Variants in MSRA observed in about 807,000 individuals in gnomAD.
MSRA encodes the protein mitochondrial peptide methionine sulfoxide reductase.
MSRA carries 54 observed loss-of-function variants against 31.3 expected under a neutral mutation model. The ratio of observed to expected loss-of-function variants is 1.73; its 90% CI spans 1.39 to 2.17. The LOEUF (loss-of-function observed/expected upper bound fraction) is 2.17. MSRA is among the 30% of genes most tolerant of loss of function. MSRA has a pLI of 0.00. For missense variants in MSRA, 507 were observed against 300.9 expected (o/e 1.69, Z -5.07); for synonymous variants, 169 against 116.5 (o/e 1.45, Z -2.90).
chr8:10,145,027 C>A (rs1803022223), intron 1 of MSRA, among the ~76,000 whole-genome samples: 1 of 152,164 alleles, frequency 6.6e-6, no homozygotes, highest in Admixed American at 6.5e-5. Context: ...TCCTTTCAGA[C>A]AATAAATAGC....
intron 5 of MSRA, among the ~76,000 whole-genome samples, chr8:10,399,988 G>A (rs1310553106): frequency 1.3e-5 from 2 of 152,164 alleles, no homozygotes; most frequent in Non-Finnish European, 1.5e-5. Context: ...CTGACAAGGG[G>A]CAGGTAATGT....
chr8:10,359,584 C>T (rs1585578297), intron 5 of MSRA, among the ~76,000 whole-genome samples: 1 of 152,232 alleles, frequency 6.6e-6, no homozygotes, highest in Middle Eastern at 3.4e-3. Context: ...TCTTCGTTTT[C>T]TTTCTAATCC....
intron 3 of MSRA, among the ~76,000 whole-genome samples, chr8:10,288,673 C>G (rs1444497647): frequency 1.3e-5 from 2 of 151,974 alleles, no homozygotes; most frequent in East Asian, 3.9e-4. Flanking sequence ...GTTCTTAGTT[C>G]CATTTTTTAA....
At chr8:10,057,516 AATT>A (rs1490005069) in intron 1 of MSRA, among the ~76,000 whole-genome samples, 2 of 152,154 alleles carry the variant, frequency 1.3e-5, no homozygotes, top group Non-Finnish European at 2.9e-5. Context: ...GAATTATTGT[AATT>A]ATTGTAAAAG....
chr8:10,293,713 C>T (rs1563318766), intron 3 of MSRA, among the ~76,000 whole-genome samples: 1 of 152,134 alleles, frequency 6.6e-6, no homozygotes, highest in South Asian at 2.1e-4. Context: ...TCCTTCCTCC[C>T]CTCCTGCTTC....
chr8:10,248,566 A>C (rs1797752081), intron 3 of MSRA, among the ~76,000 whole-genome samples: 1 of 152,220 alleles, frequency 6.6e-6, no homozygotes, highest in South Asian at 2.1e-4. Flanking sequence ...GGGAGAAGTG[A>C]GCGAGAGAGT....
intron 3 of MSRA, among the ~76,000 whole-genome samples, chr8:10,251,738 T>C (rs941468817): frequency 1.3e-5 from 2 of 152,148 alleles, no homozygotes; most frequent in East Asian, 3.9e-4. Context: ...AATGGACCCA[T>C]TGCCTGAAGA....
At chr8:10,283,830 T>TACACACACACACACACACAC (rs1170038638) in intron 3 of MSRA, among the ~76,000 whole-genome samples, 6 of 65,332 alleles carry the variant, frequency 9.2e-5, no homozygotes, top group Non-Finnish European at 1.5e-4. Context: ...TATATATATA[T>TACACACACACACACACACAC]ATATATACAC....
chr8:10,370,613 G>C (rs1474398305), intron 5 of MSRA, among the ~76,000 whole-genome samples: 1 of 152,220 alleles, frequency 6.6e-6, no homozygotes, highest in South Asian at 2.1e-4. Flanking sequence ...ACCGCCTTGA[G>C]GAGCCACCTT....
At chr8:10,171,449 C>T (rs1328554425) in intron 1 of MSRA, among the ~76,000 whole-genome samples, 2 of 151,126 alleles carry the variant, frequency 1.3e-5, no homozygotes, top group African/African-American at 2.4e-5. Context: ...GAATTCTGAT[C>T]AAATTTTCAC....
rs143043306 is a variant in MSRA at position 10,333,808 on chromosome 8, C to T, written c.543+13819C>T. ...GAGTTTCCACGTTTCTTCTCCACCC[C>T]ACCCCCCCCACGCTGAGTGGGACCT... On this transcript the variant is annotated intron_variant, in intron 5 of 5. Transcript: ENST00000317173. 5.0e-3 allele frequency among the ~76,000 whole-genome samples: 767 copies of T among 151,968 alleles called. 7 individuals are homozygous for T. The highest frequency in any genetic ancestry group is 0.018 in the African/African-American group (726 of 41,402).
At chr8:10,107,805 A>G (rs1277740013) in intron 1 of MSRA, among the ~76,000 whole-genome samples, 1 of 152,206 alleles carries the variant, frequency 6.6e-6, no homozygotes, top group Non-Finnish European at 1.5e-5. Flanking sequence ...GAATTAGAGC[A>G]CTGAAAAAGG....
intron 1 of MSRA, among the ~76,000 whole-genome samples, chr8:10,112,402 C>T (rs1394791248): frequency 6.6e-6 from 1 of 152,198 alleles, no homozygotes; most frequent in Non-Finnish European, 1.5e-5. Flanking sequence ...TAGAGAATTT[C>T]TAGGAAAAGC....
intron 5 of MSRA, among the ~76,000 whole-genome samples, chr8:10,348,141 T>C (rs1481378361): frequency 6.6e-6 from 1 of 152,196 alleles, no homozygotes; most frequent in Non-Finnish European, 1.5e-5. Context: ...GTTAAGAGTT[T>C]GCTTGTAAAT....
intron 5 of MSRA, among the ~76,000 whole-genome samples, chr8:10,357,727 G>C (rs1411005187): frequency 1.3e-5 from 2 of 152,152 alleles, no homozygotes; most frequent in East Asian, 3.9e-4. Flanking sequence ...GATGCTTATT[G>C]CTATTGGTTT....
At chr8:10,146,658 T>C (rs1283584362) in intron 1 of MSRA, among the ~76,000 whole-genome samples, 2 of 152,144 alleles carry the variant, frequency 1.3e-5, no homozygotes, top group African/African-American at 2.4e-5. Context: ...TTGTATACTT[T>C]AAATGGGTCA....
At chr8:10,139,052 T>C (rs978918898) in intron 1 of MSRA, among the ~76,000 whole-genome samples, 4 of 152,220 alleles carry the variant, frequency 2.6e-5, no homozygotes, top group Admixed American at 1.3e-4. Context: ...GATTCTGTTA[T>C]TTTAAAGGCT....
At chr8:10,129,864 C>A (rs1017074423) in intron 1 of MSRA, among the ~76,000 whole-genome samples, 6 of 151,666 alleles carry the variant, frequency 4.0e-5, no homozygotes, top group Admixed American at 3.3e-4. Flanking sequence ...AGTTCCATTC[C>A]CCATATTTCT....
At chr8:10,233,557 A>G (rs1811679122) in intron 2 of MSRA, among the ~76,000 whole-genome samples, 1 of 152,258 alleles carries the variant, frequency 6.6e-6, no homozygotes, top group Non-Finnish European at 1.5e-5. Context: ...AAATAATTCC[A>G]TACCTGGAAC....
Sources: gnomAD v4.1 joint callset for allele counts (sites outside exome capture counted in the v4.1 genomes callset) on GRCh38, gnomAD v4.1.1 for gene constraint, MANE v1.5 for transcripts, NCBI Gene and HGNC (gene_info 2026-07-23, HGNC 2026-07-21) for gene names.